Variants in EMCN observed in about 807,000 individuals in gnomAD.
EMCN encodes endomucin.
A neutral mutation model predicts 38.4 loss-of-function variants in EMCN; 37 were observed. That is an observed-to-expected ratio of 0.96 (90% CI 0.74 to 1.27). The LOEUF is 1.27. Ranked by LOEUF, EMCN falls within the 50% of genes most tolerant of loss-of-function variation. The pLI is 0.00. For missense variants in EMCN, 318 were observed against 302.8 expected, an observed-to-expected ratio of 1.05 and a Z score of -0.37; for synonymous variants, 95 against 100.8, an observed-to-expected ratio of 0.94 and a Z score of 0.35.
intron 10 of EMCN, among the ~76,000 whole-genome samples, chr4:100,413,265 C>A (rs1483072716): frequency 6.6e-6 from 1 of 152,072 alleles, no homozygotes. Context: ...TTTGTTCTAT[C>A]AATTGTTTTC....
chr4:100,429,937 T>A (rs1275642184), intron 5 of EMCN, among the ~76,000 whole-genome samples: 2 of 152,160 alleles, frequency 1.3e-5, no homozygotes, highest in Non-Finnish European at 2.9e-5. Context: ...TTCTGTTTTC[T>A]TTCTAATATG....
At chr4:100,408,858 G>T (rs1318067723) in intron 11 of EMCN, among the ~76,000 whole-genome samples, 1 of 152,202 alleles carries the variant, frequency 6.6e-6, no homozygotes, top group Non-Finnish European at 1.5e-5. Context: ...GCTCATGACT[G>T]GTGAAGAGCA....
At chr4:100,442,510 G>T (rs942647873) in intron 5 of EMCN, among the ~76,000 whole-genome samples, 1 of 151,906 alleles carries the variant, frequency 6.6e-6, no homozygotes, top group African/African-American at 2.4e-5. Flanking sequence ...TTTTTCTTTT[G>T]TAGAATGTGC....
At chr4:100,483,077 A>G (rs190426521) in intron 1 of EMCN, among the ~76,000 whole-genome samples, 42 of 152,090 alleles carry the variant, frequency 2.8e-4, no homozygotes, top group African/African-American at 9.9e-4. Flanking sequence ...TGTTTAACAA[A>G]CAGCATGCCC....
At chr4:100,510,657 A>C (rs2110310418) in intron 1 of EMCN, among the ~76,000 whole-genome samples, 1 of 152,296 alleles carries the variant, frequency 6.6e-6, no homozygotes, top group Admixed American at 6.5e-5. Context: ...GAGATATTGC[A>C]AGAACCACAT....
intron 11 of EMCN, among the ~76,000 whole-genome samples, chr4:100,408,563 G>T (rs150622495): frequency 1.1e-4 from 16 of 152,276 alleles, no homozygotes; most frequent in African/African-American, 3.8e-4. Context: ...TGGTAGATAG[G>T]CTCTTACCCA....
chr4:100,402,958 A>G (rs1472029405), intron 11 of EMCN, among the ~76,000 whole-genome samples: 3 of 152,180 alleles, frequency 2.0e-5, no homozygotes, highest in Non-Finnish European at 4.4e-5. Flanking sequence ...GCAAGTAGAA[A>G]GGAAGGTTTC....
chr4:100,442,236 G>A (rs1438640198), intron 5 of EMCN, among the ~76,000 whole-genome samples: 1 of 152,234 alleles, frequency 6.6e-6, no homozygotes, highest in Admixed American at 6.5e-5. Context: ...GATCTGCAAG[G>A]TTTCTATTGA....
chr4:100,500,432 A>G (rs1371443983), intron 1 of EMCN, among the ~76,000 whole-genome samples: 4 of 152,166 alleles, frequency 2.6e-5, no homozygotes, highest in African/African-American at 9.6e-5. Flanking sequence ...AACCTGGTGT[A>G]ATCATTACCC....
intron 1 of EMCN, among the ~76,000 whole-genome samples, chr4:100,485,625 C>T (rs1353448608): frequency 6.6e-6 from 1 of 151,216 alleles, no homozygotes; most frequent in Non-Finnish European, 1.5e-5. Flanking sequence ...ATAAAATATA[C>T]AAAAATAGAT....
At chr4:100,434,383 CAAA>C (rs767318585) in intron 5 of EMCN, among the ~76,000 whole-genome samples, 5 of 70,696 alleles carry the variant, frequency 7.1e-5, no homozygotes, top group African/African-American at 1.2e-4. Flanking sequence ...GCCTACCAAG[CAAA>C]AAAAAAAAAA....
chr4:100,418,995 T>G (rs1305608099), intron 8 of EMCN, among the ~76,000 whole-genome samples: 1 of 152,136 alleles, frequency 6.6e-6, no homozygotes, highest in African/African-American at 2.4e-5. Context: ...TGTACTAATT[T>G]ACATTTCCAC....
At chr4:100,399,295 C>T (rs898917422) in intron 11 of EMCN, among the ~76,000 whole-genome samples, 10 of 152,106 alleles carry the variant, frequency 6.6e-5, no homozygotes, top group African/African-American at 2.4e-4. Context: ...TGTTGTGTTG[C>T]TGATGGCAGT....
intron 5 of EMCN, among the ~76,000 whole-genome samples, chr4:100,438,605 A>G (rs1727421176): frequency 6.6e-6 from 1 of 151,850 alleles, no homozygotes; most frequent in Non-Finnish European, 1.5e-5. Flanking sequence ...TCGTGCTAGT[A>G]CTTCTGGTAC....
rs1729217280 is a variant in EMCN at position 100,496,746 on chromosome 4, C to T, written c.65-16707G>A. Among the ~76,000 whole-genome samples the T allele has an allele frequency of 2.0e-5, 3 of 152,122 alleles. 1 individual carries two copies. In the South Asian group the frequency reaches 6.2e-4, roughly 32 times the overall value. On this transcript the variant is annotated intron_variant, in intron 1 of 11. Coordinates refer to ENST00000296420, the MANE Select transcript of EMCN (RefSeq NM_016242.4). ...CATGAAAGCACCAAACATGTATGTT[C>T]TAAATTAAAAACCAGACGCAGATTA... is the stretch of plus-strand genomic sequence containing the variant.
intron 1 of EMCN, among the ~76,000 whole-genome samples, chr4:100,482,091 T>C (rs990904613): frequency 6.6e-6 from 1 of 152,172 alleles, no homozygotes; most frequent in African/African-American, 2.4e-5. Context: ...ATAATGCCTA[T>C]GCACAATAAA....
chr4:100,454,754 T>G (rs1727962790), intron 4 of EMCN, among the ~76,000 whole-genome samples: 1 of 152,156 alleles, frequency 6.6e-6, no homozygotes, highest in Non-Finnish European at 1.5e-5. Flanking sequence ...AATTAAACAT[T>G]TGGTGTCTTG....
intron 1 of EMCN, among the ~76,000 whole-genome samples, chr4:100,482,970 C>A (rs894705699): frequency 6.6e-6 from 1 of 152,092 alleles, no homozygotes; most frequent in African/African-American, 2.4e-5. Context: ...GGCTTTTCCT[C>A]CTCAACATCC....
intron 11 of EMCN, among the ~76,000 whole-genome samples, chr4:100,404,365 C>T (rs149121156): frequency 2.2e-3 from 328 of 152,116 alleles, no homozygotes; most frequent in African/African-American, 4.3e-3. Flanking sequence ...GATGGTTATA[C>T]GTGTGTGGCA....
Sources: allele counts gnomAD v4.1 joint callset (sites outside exome capture counted in the v4.1 genomes callset), GRCh38; gene constraint gnomAD v4.1.1; transcripts MANE v1.5; gene names NCBI Gene and HGNC (gene_info 2026-07-23, HGNC 2026-07-21).